The following NIBAN1 variants were observed in gnomAD, a reference collection of about 807,000 sequenced individuals.
NIBAN1 encodes niban apoptosis regulator 1.
A neutral mutation model predicts 75.1 loss-of-function variants in NIBAN1; 81 were observed. The ratio of observed to expected loss-of-function variants is 1.08; its 90% confidence interval spans 0.90 to 1.30. The LOEUF is 1.30. Ranked by LOEUF, NIBAN1 falls within the 50% of genes most tolerant of loss-of-function variation. The pLI is 0.00. For missense variants in NIBAN1, 1,133 were observed against 1,128.1 expected (o/e 1.00, Z -0.06); for synonymous variants, 436 against 424.8 (o/e 1.03, Z -0.32).
At chr1:184,959,864 T>C (rs1658584089) in intron 1 of NIBAN1, among the ~76,000 whole-genome samples, 1 of 152,232 alleles carries the variant, frequency 6.6e-6, no homozygotes, top group Non-Finnish European at 1.5e-5. Flanking sequence ...CCAGGAATTC[T>C]TTGGCCCTAT....
rs1041124119 is a variant in NIBAN1, at chr1:184,794,313, A to G, written c.*664T>C. 6.5e-6 allele frequency: 1 copy of G among 153,290 alleles called. No homozygotes were observed. Among genetic ancestry groups the G allele is most frequent in the African/African-American group, 2.4e-5 (1 of 41,474 alleles). The allele number at this position is 153,290 out of a possible 1,614,324, so 9.5% of individuals were successfully genotyped here. On this transcript the variant is annotated 3_prime_UTR_variant, in exon 14 of 14. Coordinates refer to ENST00000367511, the MANE Select transcript of NIBAN1 (RefSeq NM_052966.4). ...CCTGCAAATGTGATTAATTAATAAGAATCATCAAGATTAATTAATAAGAAA... is the reference window on the plus strand; with the variant it reads ...CCTGCAAATGTGATTAATTAATAAGGATCATCAAGATTAATTAATAAGAAA...
At chr1:184,933,450 C>T (rs1296410828) in intron 1 of NIBAN1, among the ~76,000 whole-genome samples, 1 of 152,216 alleles carries the variant, frequency 6.6e-6, no homozygotes, top group Admixed American at 6.5e-5. Flanking sequence ...AACCCCTTCT[C>T]TGGTATTTAA....
At chr1:184,917,618 A>G (rs906783731) in intron 1 of NIBAN1, among the ~76,000 whole-genome samples, 2 of 152,064 alleles carry the variant, frequency 1.3e-5, no homozygotes, top group Admixed American at 6.6e-5. Context: ...TGGAGATATA[A>G]TAAGTTTCAT....
At chr1:184,941,046 T>C (rs918312834) in intron 1 of NIBAN1, among the ~76,000 whole-genome samples, 1 of 152,224 alleles carries the variant, frequency 6.6e-6, no homozygotes, top group Non-Finnish European at 1.5e-5. Context: ...AAATTTGATA[T>C]ACATTGCATT....
At chr1:184,961,316 G>A (rs910075814) in intron 1 of NIBAN1, among the ~76,000 whole-genome samples, 28 of 151,698 alleles carry the variant, frequency 1.8e-4, no homozygotes, top group African/African-American at 6.3e-4. Flanking sequence ...TGATCCACCC[G>A]CCTCGGCCTC....
rs1658546644 is a variant in NIBAN1, at chr1:184,958,452, T to G, written c.55+15850A>C. Among the ~76,000 whole-genome samples the G allele has an allele frequency of 2.0e-5, 3 of 151,958 alleles. No homozygotes were observed. The South Asian group carries it at 6.2e-4, about 32-fold the overall frequency. ...GATATTGAATCAAAAGTTTAGTAAA[T>G]GTTTCCACTTAGCTCATTTAAGGTA... On this transcript the variant is annotated intron_variant, in intron 1 of 13. Transcript: ENST00000367511.
At chr1:184,905,446 A>G (rs1478565280) in intron 1 of NIBAN1, among the ~76,000 whole-genome samples, 1 of 152,100 alleles carries the variant, frequency 6.6e-6, no homozygotes, top group Non-Finnish European at 1.5e-5. Context: ...AAAAATCTTC[A>G]ATGTTTCCCT....
At chr1:184,941,996 T>C (rs1429247783) in intron 1 of NIBAN1, among the ~76,000 whole-genome samples, 1 of 152,204 alleles carries the variant, frequency 6.6e-6, no homozygotes, top group Non-Finnish European at 1.5e-5. Flanking sequence ...CAACTTCCCA[T>C]ACCTAATAAC....
chr1:184,857,712 G>A (rs1655715457), intron 5 of NIBAN1, among the ~76,000 whole-genome samples: 1 of 151,952 alleles, frequency 6.6e-6, no homozygotes, highest in Non-Finnish European at 1.5e-5. Flanking sequence ...GTGTCTTGAG[G>A]TTATCTAGGT....
Position 184,896,039 on chromosome 1 carries a change from T to A in NIBAN1, c.187-1833A>T, listed in dbSNP as rs372931302. Among the ~76,000 whole-genome samples, 69 of 152,304 alleles carry A rather than the reference T, an allele frequency of 4.5e-4. 1 individual carries two copies. The highest frequency in any genetic ancestry group is 1.6e-3 in the African/African-American group (65 of 41,570). On this transcript the variant is annotated intron_variant, in intron 2 of 13. Coordinates refer to ENST00000367511, the MANE Select transcript of NIBAN1 (RefSeq NM_052966.4). ...GATAAACACACACATACAGGAGTCT[T>A]TTTATATAATGATTTATTTTCCTTT...
intron 1 of NIBAN1, among the ~76,000 whole-genome samples, chr1:184,955,603 C>T (rs560987579): frequency 1.9e-4 from 29 of 152,258 alleles, no homozygotes; most frequent in African/African-American, 6.5e-4. Context: ...TCCCAAAGTG[C>T]TGGGATTACA....
chr1:184,896,149 G>C (rs1050111228), intron 2 of NIBAN1, among the ~76,000 whole-genome samples: 26 of 152,046 alleles, frequency 1.7e-4, no homozygotes, highest in Non-Finnish European at 3.1e-4. Context: ...ATTTTCCGTA[G>C]GGGTTGAACT....
intron 2 of NIBAN1, 112 bp from the exon 3 acceptor site, chr1:184,894,318 G>T: frequency 1.7e-6 from 2 of 1,174,036 alleles, no homozygotes; most frequent in East Asian, 2.9e-5. Flanking sequence ...CTTCCACTGA[G>T]ATCCTGGGGA....
intron 1 of NIBAN1, among the ~76,000 whole-genome samples, chr1:184,949,520 T>C (rs1423928589): frequency 1.3e-5 from 2 of 152,222 alleles, no homozygotes; most frequent in African/African-American, 2.4e-5. Context: ...CCATTTCACA[T>C]ACAAAGGAAC....
chr1:184,831,908 AAT>A lies in NIBAN1; in HGVS notation c.654_655del (p.Gln218HisfsTer19), dbSNP rs773596375. The stretch of plus-strand genomic sequence containing the variant: ...ATAGTGACCCTTCTCCTGTCGGAAG[AAT>A]TGCACAGCTTCTAAAAAGGCTTGGG... On this transcript the variant is annotated frameshift_variant, in exon 6 of 14. Transcript: ENST00000367511. LOFTEE classifies it high-confidence loss of function. 9 of 1,614,040 alleles carry A rather than the reference AAT, an allele frequency of 5.6e-6. No homozygotes were observed. The Admixed American group carries it at 1.5e-4, about 27-fold the overall frequency.
At chr1:184,888,454 T>C (rs1656587067) in intron 4 of NIBAN1, among the ~76,000 whole-genome samples, 1 of 152,210 alleles carries the variant, frequency 6.6e-6, no homozygotes, top group African/African-American at 2.4e-5. Flanking sequence ...ATAAAATTCA[T>C]TCCTTTTAGC....
At chr1:184,837,360 A>C (rs1198411034) in intron 5 of NIBAN1, among the ~76,000 whole-genome samples, 2 of 152,212 alleles carry the variant, frequency 1.3e-5, no homozygotes, top group Non-Finnish European at 2.9e-5. Flanking sequence ...AGGGAGACAG[A>C]GTGCTGGGGA....
intron 4 of NIBAN1, among the ~76,000 whole-genome samples, chr1:184,889,329 G>T (rs1319533588): frequency 2.6e-5 from 4 of 152,262 alleles, no homozygotes; most frequent in African/African-American, 9.6e-5. Flanking sequence ...AGCCGGCTAA[G>T]CTAAAGCATT....
intron 1 of NIBAN1, among the ~76,000 whole-genome samples, chr1:184,958,030 A>G (rs958382661): frequency 6.6e-6 from 1 of 152,108 alleles, no homozygotes; most frequent in Non-Finnish European, 1.5e-5. Flanking sequence ...GGATTAAGCT[A>G]TTTATAATCT....
Sources: allele counts gnomAD v4.1 joint callset (sites outside exome capture counted in the v4.1 genomes callset), GRCh38; gene constraint gnomAD v4.1.1; transcripts MANE v1.5; gene names NCBI Gene and HGNC (gene_info 2026-07-23, HGNC 2026-07-21).